Variants in SLC39A10 observed in about 807,000 individuals in gnomAD.
SLC39A10 encodes solute carrier family 39 member 10.
SLC39A10 carries 13 observed loss-of-function variants against 65.1 expected under a neutral mutation model. That is an observed-to-expected ratio of 0.20 (90% CI 0.13 to 0.32). SLC39A10 has a LOEUF of 0.32. SLC39A10 is among the 10% of genes least tolerant of loss of function. SLC39A10 has a pLI of 1.00. For synonymous variants in SLC39A10, 321 were observed against 342.2 expected (o/e 0.94, Z 0.68); for missense variants, 831 against 1,018.4 (o/e 0.82, Z 2.50).
rs1259556456 is a variant in SLC39A10 at position 195,716,550 on chromosome 2, A to C, written c.1697-87A>C. The C allele has an allele frequency of 8.4e-6, 9 of 1,067,556 alleles. No individual in the cohort carries two copies. In the Admixed American group the frequency reaches 2.6e-4, roughly 30 times the overall value. 66.1% of individuals were successfully genotyped at this position (1,067,556 alleles called of 1,614,324 possible). A position where few individuals can be genotyped will look rare whatever the true frequency, so the allele number is the denominator to read the frequency against. On this transcript the variant is annotated intron_variant, in intron 6 of 9. Coordinates refer to ENST00000359634, the MANE Select transcript of SLC39A10 (RefSeq NM_020342.3). ...ATTCTAAAAGACATTCACTTAAGAA[A>C]TGTTCATTGCACTGCTATTCTGTTT...
intron 2 of SLC39A10, among the ~76,000 whole-genome samples, chr2:195,634,912 A>T (rs888925823): frequency 2.0e-5 from 3 of 152,152 alleles, no homozygotes; most frequent in African/African-American, 7.2e-5. Context: ...GCCAGGCATG[A>T]TGGTGGGTAC....
chr2:195,627,726 G>A (rs760382658), intron 2 of SLC39A10, among the ~76,000 whole-genome samples: 13 of 152,216 alleles, frequency 8.5e-5, no homozygotes, highest in Non-Finnish European at 1.6e-4. Context: ...AGATAAGTCT[G>A]AGGGAAGGAA....
At chr2:195,733,389 A>G (rs1030932844) in intron 9 of SLC39A10, among the ~76,000 whole-genome samples, 3 of 152,260 alleles carry the variant, frequency 2.0e-5, no homozygotes, top group Non-Finnish European at 4.4e-5. Flanking sequence ...ATGTATGCCT[A>G]TAATGATGCA....
intron 2 of SLC39A10, among the ~76,000 whole-genome samples, chr2:195,651,249 G>A (rs988412005): frequency 4.6e-5 from 7 of 151,992 alleles, no homozygotes; most frequent in Admixed American, 4.6e-4. Context: ...TACCGCATGG[G>A]TCCAACTTCC....
At chr2:195,699,251 G>C (rs1691089410) in intron 3 of SLC39A10, among the ~76,000 whole-genome samples, 1 of 151,734 alleles carries the variant, frequency 6.6e-6, no homozygotes, top group Admixed American at 6.6e-5. Context: ...TCAACTATAG[G>C]TTTCATTGAT....
At chr2:195,723,917 TGAAAAA>T in intron 8 of SLC39A10, among the ~76,000 whole-genome samples, 1 of 151,942 alleles carries the variant, frequency 6.6e-6, no homozygotes, top group South Asian at 2.1e-4. Flanking sequence ...AAATAAAAGT[TGAAAAA>T]GAAAAAAATA....
chr2:195,615,297 T>C (rs1240903717), intron 2 of SLC39A10, among the ~76,000 whole-genome samples: 2 of 152,162 alleles, frequency 1.3e-5, no homozygotes. Flanking sequence ...GTAATGAAGA[T>C]GTTGCTGGTC....
At chr2:195,632,264 A>G (rs545880512) in intron 2 of SLC39A10, among the ~76,000 whole-genome samples, 13 of 148,566 alleles carry the variant, frequency 8.8e-5, no homozygotes, top group Admixed American at 1.3e-4. Context: ...GTCAAATACA[A>G]AGGTCACCAG....
intron 1 of SLC39A10, among the ~76,000 whole-genome samples, chr2:195,669,504 T>G (rs566696168): frequency 6.6e-6 from 1 of 152,338 alleles, no homozygotes; most frequent in African/African-American, 2.4e-5. Context: ...ATCTCAAACA[T>G]TCTACATTTT....
intron 2 of SLC39A10, among the ~76,000 whole-genome samples, chr2:195,681,373 A>C (rs900850733): frequency 6.6e-6 from 1 of 152,006 alleles, no homozygotes; most frequent in Non-Finnish European, 1.5e-5. Flanking sequence ...AAAAATACAA[A>C]AAATTAGCGG....
At chr2:195,618,777 G>T (rs1688282750) in intron 2 of SLC39A10, among the ~76,000 whole-genome samples, 1 of 152,092 alleles carries the variant, frequency 6.6e-6, no homozygotes, top group African/African-American at 2.4e-5. Flanking sequence ...GTAAAAAATG[G>T]CATGATAATA....
upstream of SLC39A10, among the ~76,000 whole-genome samples, chr2:195,656,145 C>T (rs1689139233): frequency 6.6e-6 from 1 of 152,124 alleles, no homozygotes; most frequent in South Asian, 2.1e-4. Context: ...CAGTAAGGCA[C>T]CCCCAGAACT....
At chr2:195,687,539 T>A (rs993622754) in intron 3 of SLC39A10, among the ~76,000 whole-genome samples, 1 of 152,218 alleles carries the variant, frequency 6.6e-6, no homozygotes, top group Non-Finnish European at 1.5e-5. Context: ...AAAACAAATA[T>A]GTTACTAATA....
At chr2:195,723,916 T>G (rs140714112) in intron 8 of SLC39A10, among the ~76,000 whole-genome samples, 243 of 152,086 alleles carry the variant, frequency 1.6e-3, no homozygotes, top group African/African-American at 5.7e-3. Context: ...AAAATAAAAG[T>G]TGAAAAAGAA....
chr2:195,637,617 G>C (rs1489220842), intron 2 of SLC39A10, among the ~76,000 whole-genome samples: 1 of 152,230 alleles, frequency 6.6e-6, no homozygotes, highest in Non-Finnish European at 1.5e-5. Flanking sequence ...TATATGTACA[G>C]CTCCTGTTGG....
chr2:195,652,662 T>TATAA (rs1553495709), upstream of SLC39A10, among the ~76,000 whole-genome samples: 1 of 151,196 alleles, frequency 6.6e-6, no homozygotes, highest in African/African-American at 2.4e-5. Flanking sequence ...GAGAATAAAT[T>TATAA]GTGTTTCTTA....
At chr2:195,657,489 C>T (rs1330875490) in intron 1 of SLC39A10, 2 of 985,588 alleles carry the variant, frequency 2.0e-6, no homozygotes, top group South Asian at 4.7e-5. Context: ...GCGTGGTGGG[C>T]AGAGTGTTGG....
intron 1 of SLC39A10, among the ~76,000 whole-genome samples, chr2:195,669,722 G>A (rs1689777129): frequency 6.6e-6 from 1 of 152,102 alleles, no homozygotes; most frequent in Admixed American, 6.6e-5. Flanking sequence ...TGTAGGCTGG[G>A]CACGATGGCT....
At chr2:195,718,601 C>T (rs1691904037) in intron 8 of SLC39A10, among the ~76,000 whole-genome samples, 1 of 152,076 alleles carries the variant, frequency 6.6e-6, no homozygotes, top group Admixed American at 6.5e-5. Flanking sequence ...GACTGGTTCA[C>T]TAAGTATAAC....
Sources: gnomAD v4.1 joint callset for allele counts (sites outside exome capture counted in the v4.1 genomes callset) on GRCh38, gnomAD v4.1.1 for gene constraint, MANE v1.5 for transcripts, NCBI Gene and HGNC (gene_info 2026-07-23, HGNC 2026-07-21) for gene names.